ACYP2: variants seen among roughly 807,000 people sequenced by gnomAD.
The protein encoded by ACYP2 is acylphosphatase 2, also known as acylphosphatase-2.
ACYP2 carries 12 observed loss-of-function variants against 11.2 expected under a neutral mutation model. That is an observed-to-expected ratio of 1.08 (90% confidence interval 0.69 to 1.74). ACYP2 has a LOEUF of 1.74. Ranked by LOEUF, ACYP2 falls within the 40% of genes most tolerant of loss-of-function variation. The pLI, the probability that ACYP2 is intolerant of heterozygous loss-of-function variation, is 0.00. For synonymous variants in ACYP2, 43 were observed against 32.2 expected (o/e 1.33, Z -1.13); for missense variants, 134 against 101.9 (o/e 1.31, Z -1.35).
chr2:54,203,436 C>G (rs1200749356), intron 6 of ACYP2, among the ~76,000 whole-genome samples: 2 of 152,294 alleles, frequency 1.3e-5, no homozygotes, highest in East Asian at 3.9e-4. Context: ...TTCTTCCTTT[C>G]TAATATGAAT....
intron 6 of ACYP2, among the ~76,000 whole-genome samples, chr2:54,251,107 T>C (rs1258504898): frequency 6.6e-6 from 1 of 152,196 alleles, no homozygotes. Context: ...AAAGAGGTGT[T>C]TATAACTGAA....
chr2:53,980,145 C>G (rs1345368451), intron 2 of ACYP2, among the ~76,000 whole-genome samples: 8 of 152,006 alleles, frequency 5.3e-5, no homozygotes, highest in Non-Finnish European at 1.2e-4. Context: ...GAATTCAAGA[C>G]CAGCTATGTT....
At chr2:54,143,684 G>A (rs1021834031) in intron 6 of ACYP2, among the ~76,000 whole-genome samples, 15 of 144,266 alleles carry the variant, frequency 1.0e-4, no homozygotes, top group South Asian at 2.2e-4. Context: ...TGCCTGTCTC[G>A]GCCTCCCAAA....
Position 54,003,858 on chromosome 2 carries a change from A to G in ACYP2, c.62+30048A>G, listed in dbSNP as rs372375492. ...ATGCCATTTTGCATTCCTACTAGCA[A>G]CAATGAGAGTTTCTGTTGATCTAGC... On this transcript the variant is annotated intron_variant, in intron 2 of 6. Transcript: ENST00000607452. Among the ~76,000 whole-genome samples, 9 of 152,344 alleles carry G rather than the reference A, an allele frequency of 5.9e-5. No individual in the cohort carries two copies. The South Asian group carries it at 1.9e-3, about 32-fold the overall frequency.
At chr2:53,975,094 G>C (rs527884865) in intron 2 of ACYP2, among the ~76,000 whole-genome samples, 1 of 151,938 alleles carries the variant, frequency 6.6e-6, no homozygotes, top group African/African-American at 2.4e-5. Context: ...GCATGGTGGC[G>C]TGCGCCTGTA....
chr2:54,003,104 A>G (rs894904860), intron 2 of ACYP2, among the ~76,000 whole-genome samples: 1 of 151,922 alleles, frequency 6.6e-6, no homozygotes, highest in African/African-American at 2.4e-5. Context: ...ATGCGCCATC[A>G]TGCACAGCTA....
At chr2:54,166,874 C>G (rs1208388718) in intron 6 of ACYP2, 3 of 152,148 alleles carry the variant, frequency 2.0e-5, no homozygotes, top group African/African-American at 7.2e-5. Flanking sequence ...GCTCACAAGC[C>G]AGGAGGGCAG....
At chr2:54,024,456 TACACCA>T (rs1247144841) in intron 2 of ACYP2, among the ~76,000 whole-genome samples, 10 of 152,198 alleles carry the variant, frequency 6.6e-5, no homozygotes, top group Non-Finnish European at 1.3e-4. Flanking sequence ...ATAAATGTGA[TACACCA>T]CATAAACAGA....
chr2:54,254,011 G>A (rs1280409342), intron 6 of ACYP2: 2 of 152,166 alleles, frequency 1.3e-5, no homozygotes, highest in East Asian at 3.8e-4. Flanking sequence ...CACTCACTCT[G>A]GCACTTCATT....
rs116029281 is a variant in ACYP2 at position 54,259,493 on chromosome 2, C to T, written c.405-45195C>T. ...AGAGACCAGCAGGGTAGGAAGGAAA[C>T]CAAGAGAGTGCAATGTGCTTGAAGC... is the stretch of plus-strand genomic sequence containing the variant. On this transcript the variant is annotated intron_variant, in intron 6 of 6. Transcript: ENST00000607452. Among the ~76,000 whole-genome samples the T allele has an allele frequency of 3.5e-3, 537 of 152,182 alleles. 4 individuals carry two copies. The highest frequency in any genetic ancestry group is 0.012 in the African/African-American group (519 of 41,528).
chr2:54,201,400 T>G (rs1346902952), intron 6 of ACYP2, among the ~76,000 whole-genome samples: 1 of 152,170 alleles, frequency 6.6e-6, no homozygotes, highest in Non-Finnish European at 1.5e-5. Context: ...CCACCACGCC[T>G]GGCTGGTTCT....
At chr2:54,030,013 GT>G (rs1206759758) in intron 2 of ACYP2, 2 of 238,716 alleles carry the variant, frequency 8.4e-6, no homozygotes, top group Non-Finnish European at 1.6e-5. Context: ...CCAATTCAAA[GT>G]GTTACAATTT....
intron 4 of ACYP2, among the ~76,000 whole-genome samples, chr2:54,131,085 T>G (rs1572826110): frequency 2.6e-5 from 4 of 152,236 alleles, no homozygotes; most frequent in Admixed American, 2.6e-4. Flanking sequence ...GCAGGGACTG[T>G]GTCTTACTCA....
intron 6 of ACYP2, among the ~76,000 whole-genome samples, chr2:54,200,564 G>A (rs1684713507): frequency 6.6e-6 from 1 of 152,048 alleles, no homozygotes; most frequent in Admixed American, 6.5e-5. Flanking sequence ...ATGTTTTCAA[G>A]GTTTATTCAT....
chr2:54,011,582 C>A (rs72800705), intron 2 of ACYP2, among the ~76,000 whole-genome samples: 8 of 152,126 alleles, frequency 5.3e-5, no homozygotes, highest in Non-Finnish European at 8.8e-5. Flanking sequence ...TTTTGGGGAA[C>A]CTTTTTATTT....
Position 54,136,493 on chromosome 2 carries a change from C to T in ACYP2, c.294+1024C>T, listed in dbSNP as rs1681244698. On this transcript the variant is annotated intron_variant, in intron 5 of 6. Transcript: ENST00000607452. ...TAAAATCTCTATTATGAGGCAGCCC[C>T]ATCCCCCAAAATTCAGATTGTCTCC... Among the ~76,000 whole-genome samples, 3 of 152,104 alleles carry T rather than the reference C, an allele frequency of 2.0e-5. No homozygotes were observed. In the South Asian group the frequency reaches 6.2e-4, roughly 32 times the overall value.
At chr2:54,214,996 T>G (rs916559255) in intron 6 of ACYP2, among the ~76,000 whole-genome samples, 2 of 152,226 alleles carry the variant, frequency 1.3e-5, no homozygotes, top group South Asian at 4.1e-4. Context: ...CTAGGTATTT[T>G]ATTCTTTTTG....
intron 6 of ACYP2, among the ~76,000 whole-genome samples, chr2:54,166,208 G>A (rs1056126726): frequency 9.9e-5 from 15 of 152,186 alleles, no homozygotes; most frequent in African/African-American, 3.1e-4. Context: ...GGGCCATGTA[G>A]TCTTTGATAC....
At chr2:54,023,518 C>G (rs1674112701) in intron 2 of ACYP2, among the ~76,000 whole-genome samples, 2 of 152,062 alleles carry the variant, frequency 1.3e-5, no homozygotes, top group Admixed American at 1.3e-4. Flanking sequence ...TCCACATGAA[C>G]CCTTGAGTTT....
Sources: allele counts gnomAD v4.1 joint callset (sites outside exome capture counted in the v4.1 genomes callset), GRCh38; gene constraint gnomAD v4.1.1; transcripts MANE v1.5; gene names NCBI Gene and HGNC (gene_info 2026-07-23, HGNC 2026-07-21).